The following NMS variants were observed in gnomAD, a reference collection of about 807,000 sequenced individuals.
NMS encodes the protein neuromedin S.
Under a neutral mutation model 32.2 loss-of-function variants are expected in NMS, and 30 were observed. The observed-to-expected ratio is 0.93, with a 90% CI of 0.70 to 1.26. The LOEUF (loss-of-function observed/expected upper bound fraction) is 1.26. Among genes scored for constraint, NMS ranks in the 50% most tolerant of loss-of-function variants. The pLI is 0.00. For synonymous variants in NMS, 76 were observed against 58.5 expected (o/e 1.30, Z -1.37); for missense variants, 190 against 186.3 (o/e 1.02, Z -0.12).
chr2:100,474,090 G>C (rs1251266137), intron 3 of NMS, among the ~76,000 whole-genome samples: 1 of 152,044 alleles, frequency 6.6e-6, no homozygotes, highest in Non-Finnish European at 1.5e-5. Flanking sequence ...GCTTGAACCC[G>C]GGAGGCGGAG....
At chr2:100,472,291 G>A (rs576287330) in intron 1 of NMS, among the ~76,000 whole-genome samples, 2 of 152,328 alleles carry the variant, frequency 1.3e-5, no homozygotes, top group East Asian at 1.9e-4. Flanking sequence ...TTAGACAAAA[G>A]GTTGACAGGG....
In NMS at chr2:100,477,262, A is replaced by C. The variant is rs767409484; in HGVS notation, c.202A>C (p.Lys68Gln). The C allele has an allele frequency of 1.2e-6, 2 of 1,613,514 alleles. No individual in the cohort carries two copies. Among genetic ancestry groups the C allele is most frequent in the Non-Finnish European group, 1.7e-6 (2 of 1,179,436 alleles). Reference sequence around the variant, plus strand: ...TTTCCAGGATAATCAAGACATATACAAAAGGGTGAGTACCACCTAGCCCTG... The same window carrying C: ...TTTCCAGGATAATCAAGACATATACCAAAGGGTGAGTACCACCTAGCCCTG... ...RQPKDNQDIY[K>Q]RFLFHYSRTQ... Residue 68 changes from lysine (K) to glutamine (Q), a missense_variant, in exon 4 of 10, where the codon AAA (lysine) becomes CAA (glutamine). Lys to Gln is a moderately conservative substitution (Grantham distance 53). Transcript: ENST00000376865.
At chr2:100,470,667 TC>T in intron 1 of NMS, 103 bp downstream of exon 1, 3 of 898,588 alleles carry the variant, frequency 3.3e-6, no homozygotes, top group Non-Finnish European at 3.7e-6. Flanking sequence ...AGCTTTATTC[TC>T]CCCCGCCAGA....
chr2:100,479,351 A>G lies in NMS; in HGVS notation c.262-2A>G. 6.2e-7 allele frequency: 1 copy of G among 1,606,016 alleles called. No homozygotes were observed. Among genetic ancestry groups the G allele is most frequent in the Non-Finnish European group, 8.5e-7 (1 of 1,175,796 alleles). On this transcript the variant is annotated splice_acceptor_variant, in intron 5 of 9. Coordinates refer to ENST00000376865, the MANE Select transcript of NMS (RefSeq NM_001011717.1). LOFTEE classifies it high-confidence loss of function. ...GACCCTCTCCGCGCCTGTCTGTTGC[A>G]GTTTCCTCCAGTGCATCCTCTAATG... is the stretch of plus-strand genomic sequence containing the variant.
chr2:100,477,691 G>C (rs1677138199), intron 5 of NMS, among the ~76,000 whole-genome samples: 3 of 152,114 alleles, frequency 2.0e-5, no homozygotes, highest in Admixed American at 2.0e-4. Context: ...CTTAAACAGA[G>C]GTAAGGAAGA....
At chr2:100,476,344 A>C (rs1039335095) in intron 3 of NMS, among the ~76,000 whole-genome samples, 3 of 152,172 alleles carry the variant, frequency 2.0e-5, no homozygotes, top group African/African-American at 7.2e-5. Context: ...GGTGGATTAC[A>C]GTGTGTGTCT....
rs1286983240 is a variant in NMS at position 100,477,517 on chromosome 2, C to T, written c.261+103C>T. 2.1e-5 allele frequency: 17 copies of T among 801,650 alleles called. 1 individual carries two copies. Among genetic ancestry groups the T allele is most frequent in the Middle Eastern group, 3.6e-4 (1 of 2,784 alleles). 49.7% of individuals were successfully genotyped at this position (801,650 alleles called of 1,614,324 possible). A position where few individuals can be genotyped will look rare whatever the true frequency, so the allele number is the denominator to read the frequency against. ...AGACAAGTAGAAAAGCTGGGGGCTC[C>T]GGACATCCTCTGGGTAGTAGCTTCC... is the stretch of plus-strand genomic sequence containing the variant. On this transcript the variant is annotated intron_variant, in intron 5 of 9. Coordinates refer to ENST00000376865, the MANE Select transcript of NMS (RefSeq NM_001011717.1).
intron 7 of NMS, 151 bp from the exon 8 acceptor site, chr2:100,480,975 G>A (rs1677206128): frequency 8.9e-6 from 7 of 784,252 alleles, no homozygotes; most frequent in Non-Finnish European, 1.5e-5. Flanking sequence ...TCTGGATTGG[G>A]GCAAAGAGTT....
chr2:100,482,303 T>C lies in NMS; in HGVS notation c.441T>C (p.Asp147=). 4 of 1,613,972 alleles carry C rather than the reference T, an allele frequency of 2.5e-6. No homozygotes were observed. Among genetic ancestry groups the C allele is most frequent in the Non-Finnish European group, 3.4e-6 (4 of 1,179,920 alleles). Residue 147 remains aspartate (D), a synonymous_variant, in exon 9 of 10, where the codon GAT becomes GAC. Coordinates refer to ENST00000376865, the MANE Select transcript of NMS (RefSeq NM_001011717.1). Reference sequence around the variant, plus strand: ...CCAGGAATGGAAGAAACATTGAAGATGAGGCCCAGTAGGTAGTCCAAGATC... The same window carrying C: ...CCAGGAATGGAAGAAACATTGAAGACGAGGCCCAGTAGGTAGTCCAAGATC... ...FRPRNGRNIE[D]EAQIQW
At position 100,473,457 on chromosome 2, in the gene NMS, CTTTGA is replaced by C. The variant is rs546771639; in HGVS notation, c.133-27_133-23del. ...ATCTCTCTCTTCATCCCCCTCATCC[CTTTGA>C]TTTGTTTTCTTCATTTTATTTTTTA... On this transcript the variant is annotated intron_variant, in intron 2 of 9. Transcript: ENST00000376865. 1,495 of 1,401,454 alleles carry C rather than the reference CTTTGA, an allele frequency of 1.1e-3. 5 individuals are homozygous for C. Among genetic ancestry groups the C allele is most frequent in the Middle Eastern group, 2.1e-3 (11 of 5,356 alleles). The allele number at this position is 1,401,454 out of a possible 1,614,324, so 86.8% of individuals were successfully genotyped here. A position where few individuals can be genotyped will look rare whatever the true frequency, so the allele number is the denominator to read the frequency against.
intron 3 of NMS, among the ~76,000 whole-genome samples, chr2:100,474,543 G>T (rs901775906): frequency 3.9e-5 from 6 of 152,166 alleles, no homozygotes; most frequent in Non-Finnish European, 8.8e-5. Context: ...GTTTAAACTT[G>T]GTAGTTTCTT....
intron 7 of NMS, 66 bp from the exon 8 acceptor site, chr2:100,481,060 A>G (rs1677207126): frequency 1.3e-6 from 2 of 1,529,218 alleles, no homozygotes; most frequent in Admixed American, 1.7e-5. Context: ...CTGTTCCTAT[A>G]GACATTTTTG....
At chr2:100,480,409 A>G in intron 6 of NMS, 87 bp from the exon 7 acceptor site, 2 of 1,367,904 alleles carry the variant, frequency 1.5e-6, no homozygotes, top group Non-Finnish European at 2.1e-6. Flanking sequence ...CTTAGAAGCA[A>G]GGCAGGGAGG....
At chr2:100,479,458 A>G in intron 6 of NMS, 31 bp downstream of exon 6, 2 of 1,574,696 alleles carry the variant, frequency 1.3e-6, no homozygotes, top group Non-Finnish European at 1.7e-6. Flanking sequence ...ACCATAGTTT[A>G]TGCCCCTCAC....
intron 1 of NMS, among the ~76,000 whole-genome samples, chr2:100,470,847 C>T (rs1322209050): frequency 6.6e-6 from 1 of 152,226 alleles, no homozygotes; most frequent in Non-Finnish European, 1.5e-5. Flanking sequence ...GGGAAAGGCA[C>T]TTCCTGGTGT....
At chr2:100,475,487 C>T (rs369008104) in intron 3 of NMS, among the ~76,000 whole-genome samples, 9 of 152,134 alleles carry the variant, frequency 5.9e-5, no homozygotes, top group African/African-American at 9.7e-5. Flanking sequence ...GATTAGAAGA[C>T]GTTTCAACTG....
rs150423292 is a variant in NMS, at chr2:100,477,384, T to C, written c.231T>C (p.Thr77=). The change falls in exon 5 of 10, where the codon ACT becomes ACC. Residue 77 remains threonine (T), a synonymous_variant. Coordinates refer to ENST00000376865, the MANE Select transcript of NMS (RefSeq NM_001011717.1). Reference sequence around the variant, plus strand: ...AGTTTTTGTTTCACTACTCCAGAACTCAGGAGGCAACACATCCAGTTAAAA... The same window carrying C: ...AGTTTTTGTTTCACTACTCCAGAACCCAGGAGGCAACACATCCAGTTAAAA... ...YKRFLFHYSR[T]QEATHPVKTG... is the part of the protein sequence containing the mutation. 6 of 1,613,318 alleles carry C rather than the reference T, an allele frequency of 3.7e-6. No homozygotes were observed. The African/African-American group carries it at 6.7e-5, about 18-fold the overall frequency.
chr2:100,482,895 C>CAAGGAAAT (rs1315903442), intron 9 of NMS, among the ~76,000 whole-genome samples: 2 of 152,136 alleles, frequency 1.3e-5, no homozygotes, highest in Non-Finnish European at 2.9e-5. Context: ...GATGTGGTCC[C>CAAGGAAAT]AAGGAAATAA....
chr2:100,473,013 G>C (rs1395527603), intron 2 of NMS, among the ~76,000 whole-genome samples, 163 bp downstream of exon 2: 2 of 152,200 alleles, frequency 1.3e-5, no homozygotes, highest in African/African-American at 2.4e-5. Flanking sequence ...CCTGAGGGTT[G>C]TGTTGAAATT....
Sources: allele counts gnomAD v4.1 joint callset (sites outside exome capture counted in the v4.1 genomes callset), GRCh38; gene constraint gnomAD v4.1.1; transcripts MANE v1.5; gene names NCBI Gene and HGNC (gene_info 2026-07-23, HGNC 2026-07-21).